The following SEMA5A variants were observed in gnomAD, a reference collection of about 807,000 sequenced individuals.
SEMA5A encodes the protein semaphorin-5A.
A neutral mutation model predicts 135.5 loss-of-function variants in SEMA5A; 55 were observed. The observed-to-expected ratio is 0.41, with a 90% CI of 0.33 to 0.51. The LOEUF (loss-of-function observed/expected upper bound fraction) is 0.51. Among genes scored for constraint, SEMA5A ranks in the 20% least tolerant of loss-of-function variants. SEMA5A has a pLI of 0.37. For missense variants in SEMA5A, 1,290 were observed against 1,419.9 expected (o/e 0.91, Z 1.47); for synonymous variants, 580 against 546.5 (o/e 1.06, Z -0.85).
At chr5:9,306,964 C>T (rs1441809603) in intron 5 of SEMA5A, among the ~76,000 whole-genome samples, 1 of 152,170 alleles carries the variant, frequency 6.6e-6, no homozygotes, top group Non-Finnish European at 1.5e-5. Context: ...GGTCTTCGGA[C>T]TCCAGATATT....
chr5:9,305,728 T>TATATGTATATATATATA (rs1287444762), intron 5 of SEMA5A, among the ~76,000 whole-genome samples: 3 of 95,000 alleles, frequency 3.2e-5, no homozygotes, highest in African/African-American at 1.2e-4. Flanking sequence ...ATATATATAT[T>TATATGTATATATATATA]TACACGCACA....
At chr5:9,115,268 C>T (rs936697827) in intron 15 of SEMA5A, among the ~76,000 whole-genome samples, 1 of 152,194 alleles carries the variant, frequency 6.6e-6, no homozygotes, top group African/African-American at 2.4e-5. Flanking sequence ...TAGCTACAAG[C>T]ACGTGCTCTC....
intron 11 of SEMA5A, among the ~76,000 whole-genome samples, chr5:9,178,873 A>T (rs981748227): frequency 6.6e-6 from 1 of 152,152 alleles, no homozygotes; most frequent in African/African-American, 2.4e-5. Context: ...CTCATAACTG[A>T]ATTTTCCAGG....
At chr5:9,464,831 G>T (rs1759194429) in intron 1 of SEMA5A, among the ~76,000 whole-genome samples, 1 of 152,224 alleles carries the variant, frequency 6.6e-6, no homozygotes, top group Non-Finnish European at 1.5e-5. Context: ...TAGTCCTAAA[G>T]CACTCAGGTC....
chr5:9,085,920 C>T lies in SEMA5A; in HGVS notation c.2074-19274G>A, dbSNP rs189859286. On this transcript the variant is annotated intron_variant, in intron 16 of 22. Transcript: ENST00000382496. ...TGGAGCTGCCCAAGACCATGGAAACCCACCTCTTGCATCAGTGTGACCTGG... is the reference window on the plus strand; with the variant it reads ...TGGAGCTGCCCAAGACCATGGAAACTCACCTCTTGCATCAGTGTGACCTGG... Among the ~76,000 whole-genome samples the T allele has an allele frequency of 1.2e-4, 18 of 152,340 alleles. No homozygotes were observed. The East Asian group carries it at 3.3e-3, about 28-fold the overall frequency.
intron 1 of SEMA5A, among the ~76,000 whole-genome samples, chr5:9,471,266 T>A (rs1195032279): frequency 6.6e-6 from 1 of 152,196 alleles, no homozygotes; most frequent in Admixed American, 6.5e-5. Flanking sequence ...TTGGGGCTGA[T>A]GTCTCAGTTC....
chr5:9,120,355 A>G (rs1445982844), intron 14 of SEMA5A, among the ~76,000 whole-genome samples: 1 of 152,122 alleles, frequency 6.6e-6, no homozygotes, highest in Non-Finnish European at 1.5e-5. Context: ...TGAATATATC[A>G]TATTAAAAAT....
intron 16 of SEMA5A, among the ~76,000 whole-genome samples, chr5:9,091,137 ACAG>A (rs1739010915): frequency 6.6e-6 from 1 of 152,178 alleles, no homozygotes; most frequent in African/African-American, 2.4e-5. Context: ...TGCTACACAA[ACAG>A]CAGTGCTAAA....
chr5:9,457,228 C>T (rs992127354), intron 1 of SEMA5A, among the ~76,000 whole-genome samples: 1 of 152,192 alleles, frequency 6.6e-6, no homozygotes, highest in Non-Finnish European at 1.5e-5. Context: ...ACCTACAACA[C>T]GCAAACTCTC....
chr5:9,464,157 A>T (rs557967806), intron 1 of SEMA5A, among the ~76,000 whole-genome samples: 1 of 152,300 alleles, frequency 6.6e-6, no homozygotes, highest in African/African-American at 2.4e-5. Context: ...ATATCATTAG[A>T]CATTGCCAAA....
chr5:9,503,732 G>T (rs553701871), intron 1 of SEMA5A, among the ~76,000 whole-genome samples: 102 of 152,260 alleles, frequency 6.7e-4, no homozygotes, highest in Non-Finnish European at 1.4e-3. Context: ...GGAGTTCATT[G>T]CCCGCCACAC....
intron 4 of SEMA5A, among the ~76,000 whole-genome samples, chr5:9,325,823 A>G (rs971109900): frequency 2.0e-5 from 3 of 149,266 alleles, no homozygotes; most frequent in Non-Finnish European, 4.5e-5. Context: ...ATAAAATCAA[A>G]GAAAAAATTA....
At chr5:9,107,641 G>C (rs7706535) in intron 16 of SEMA5A, among the ~76,000 whole-genome samples, 17,520 of 152,034 alleles carry the variant, frequency 0.12, 1,556 homozygotes, top group East Asian at 0.32. Flanking sequence ...AATTCACGAA[G>C]CCTCCAGGAT....
chr5:9,322,743 C>A (rs990007526), intron 4 of SEMA5A, among the ~76,000 whole-genome samples: 1 of 152,092 alleles, frequency 6.6e-6, no homozygotes, highest in African/African-American at 2.4e-5. Flanking sequence ...ACAAGCCCCC[C>A]GTGTCTTGGT....
chr5:9,421,830 A>G (rs1204427053), intron 2 of SEMA5A, among the ~76,000 whole-genome samples: 4 of 152,136 alleles, frequency 2.6e-5, no homozygotes, highest in African/African-American at 9.7e-5. Context: ...CTATTCATAT[A>G]TTTTTCAATT....
Position 9,321,323 on chromosome 5 carries a change from A to G in SEMA5A, c.225-2906T>C, listed in dbSNP as rs1752618603. Among the ~76,000 whole-genome samples, 4 of 152,272 alleles carry G rather than the reference A, an allele frequency of 2.6e-5. No individual in the cohort carries two copies. In the South Asian group the frequency reaches 8.3e-4, roughly 32 times the overall value. ...GTAGTGTGAGAACAAACTAGTACAT[A>G]GCGGCACCAGGGAAATTACTAGCCA... On this transcript the variant is annotated intron_variant, in intron 4 of 22. Coordinates refer to ENST00000382496, the MANE Select transcript of SEMA5A (RefSeq NM_003966.3).
intron 5 of SEMA5A, among the ~76,000 whole-genome samples, chr5:9,304,774 A>G (rs1392376419): frequency 6.6e-6 from 1 of 152,208 alleles, no homozygotes; most frequent in Non-Finnish European, 1.5e-5. Flanking sequence ...TTCTGTAGGA[A>G]TATGCAGTAC....
chr5:9,526,471 C>G (rs1737130800), intron 1 of SEMA5A, among the ~76,000 whole-genome samples: 2 of 152,212 alleles, frequency 1.3e-5, no homozygotes, highest in Admixed American at 6.5e-5. Context: ...TGTAAACCAG[C>G]TGTTCACTGC....
rs147744315 is a variant in SEMA5A, at chr5:9,112,692, A to G, written c.1926-4405T>C. On this transcript the variant is annotated intron_variant, in intron 15 of 22. Coordinates refer to ENST00000382496, the MANE Select transcript of SEMA5A (RefSeq NM_003966.3). ...CTGGGACTCTTAACTTTGAGAATGC[A>G]TTGGACAGGCTCTAACATGTTCCCC... 2.6e-4 allele frequency among the ~76,000 whole-genome samples: 40 copies of G among 152,330 alleles called. 1 individual carries two copies. The East Asian group carries it at 7.1e-3, about 27-fold the overall frequency.
Sources: gnomAD v4.1 joint callset for allele counts (sites outside exome capture counted in the v4.1 genomes callset) on GRCh38, gnomAD v4.1.1 for gene constraint, MANE v1.5 for transcripts, NCBI Gene and HGNC (gene_info 2026-07-23, HGNC 2026-07-21) for gene names.